Variants in SGIP1 observed in about 807,000 individuals in gnomAD.
SGIP1 encodes SH3-containing GRB2-like protein 3-interacting protein 1.
In SGIP1, 38 loss-of-function variants were observed where a neutral mutation model predicts 107.5. The ratio of observed to expected loss-of-function variants is 0.35; its 90% CI spans 0.27 to 0.46. SGIP1 has a LOEUF of 0.46. Ranked by LOEUF, SGIP1 falls within the 20% of genes least tolerant of loss-of-function variation. SGIP1 has a pLI of 1.00. For synonymous variants in SGIP1, 365 were observed against 366.1 expected (o/e 1.00, Z 0.03); for missense variants, 929 against 1,019.5 (o/e 0.91, Z 1.21).
intron 1 of SGIP1, among the ~76,000 whole-genome samples, chr1:66,617,602 C>A (rs1425400594): frequency 6.6e-6 from 1 of 152,132 alleles, no homozygotes; most frequent in Non-Finnish European, 1.5e-5. Flanking sequence ...GGCCTGGGTT[C>A]CTGCAGAAAA....
At position 66,749,252 on chromosome 1, in the gene SGIP1, T is replaced by C. The variant is rs2094593087; in HGVS notation, c.*6157T>C. Among the ~76,000 whole-genome samples the C allele has an allele frequency of 6.6e-6, 1 of 152,066 alleles. No individual in the cohort carries two copies. Among genetic ancestry groups the C allele is most frequent in the Non-Finnish European group, 1.5e-5 (1 of 67,918 alleles). On this transcript the variant is annotated 3_prime_UTR_variant, in exon 25 of 25. Transcript: ENST00000371037. ...CTTTGCCGTGTGGAATTAATGCCAG[T>C]GAATAATCTCCAGTAACGTTTTACT...
chr1:66,699,110 C>T (rs2091479353), intron 18 of SGIP1, among the ~76,000 whole-genome samples: 1 of 152,058 alleles, frequency 6.6e-6, no homozygotes, highest in Non-Finnish European at 1.5e-5. Flanking sequence ...TTCTACATTT[C>T]AGTCTCTCAG....
intron 15 of SGIP1, 79 bp from the exon 16 acceptor site, chr1:66,689,069 C>T (rs61798709): frequency 1.3e-5 from 18 of 1,408,086 alleles, no homozygotes; most frequent in African/African-American, 4.4e-5. Flanking sequence ...AAAAAATGTC[C>T]GGGACTGGCA....
intron 9 of SGIP1, among the ~76,000 whole-genome samples, chr1:66,670,751 G>T (rs913242108): frequency 2.0e-5 from 3 of 151,860 alleles, no homozygotes; most frequent in African/African-American, 4.8e-5. Flanking sequence ...CCAGGTAAGG[G>T]GTTTTTCTTC....
Position 66,625,859 on chromosome 1 carries a change from G to A in SGIP1, c.23G>A (p.Arg8His), listed in dbSNP as rs762351247. 39 of 1,611,712 alleles carry A rather than the reference G, an allele frequency of 2.4e-5. No homozygotes were observed. The highest frequency in any genetic ancestry group is 2.1e-4 in the South Asian group (19 of 90,756). ...TGTTTTCCCACAGGATTGAAAAAACGTACAAGGAAGGCCTTTGGAATACGG... is the reference window on the plus strand; with the variant it reads ...TGTTTTCCCACAGGATTGAAAAAACATACAAGGAAGGCCTTTGGAATACGG... MMEGLKK[R>H]TRKAFGIRKK... Residue 8 changes from arginine (R) to histidine (H), a missense_variant, in exon 2 of 25, where the codon CGT (arginine) becomes CAT (histidine). Transcript: ENST00000371037.
chr1:66,567,939 A>T (rs535591701), intron 1 of SGIP1, among the ~76,000 whole-genome samples: 1 of 152,128 alleles, frequency 6.6e-6, no homozygotes, highest in Non-Finnish European at 1.5e-5. Flanking sequence ...AGGTAGCATG[A>T]TGCCTCCAGC....
chr1:66,734,003 A>AT (rs1379348956), intron 21 of SGIP1, 123 bp downstream of exon 21: 1 of 1,058,234 alleles, frequency 9.4e-7, no homozygotes, highest in Non-Finnish European at 1.3e-6. Context: ...GCTATAACTC[A>AT]TTTTTTTAAA....
chr1:66,541,870 G>A (rs532869286), intron 1 of SGIP1, among the ~76,000 whole-genome samples: 1 of 152,198 alleles, frequency 6.6e-6, no homozygotes, highest in East Asian at 1.9e-4. Flanking sequence ...TGCTGTACTA[G>A]GCACAATGAA....
chr1:66,550,848 G>A (rs1388224698), intron 1 of SGIP1, among the ~76,000 whole-genome samples: 1 of 151,996 alleles, frequency 6.6e-6, no homozygotes, highest in Non-Finnish European at 1.5e-5. Context: ...CATTCAAGGT[G>A]GTATGACCAT....
rs1017453853 is a variant in SGIP1 at position 66,602,994 on chromosome 1, T to A, written c.11-22853T>A. ...ATTACCTGTGGGAAACAATGGGGTT[T>A]GTTTTTGTTCTTGTTTTCTCTGCCT... On this transcript the variant is annotated intron_variant, in intron 1 of 24. Transcript: ENST00000371037. Among the ~76,000 whole-genome samples the A allele has an allele frequency of 3.3e-5, 5 of 152,354 alleles. No individual in the cohort carries two copies. In the East Asian group the frequency reaches 9.6e-4, roughly 29 times the overall value.
intron 20 of SGIP1, among the ~76,000 whole-genome samples, chr1:66,731,554 T>C (rs1557787022): frequency 6.6e-6 from 1 of 151,992 alleles, no homozygotes; most frequent in Non-Finnish European, 1.5e-5. Flanking sequence ...AGAAATAAAA[T>C]ATATCCCATT....
intron 1 of SGIP1, among the ~76,000 whole-genome samples, chr1:66,622,477 C>T (rs1167732206): frequency 6.6e-6 from 1 of 152,190 alleles, no homozygotes; most frequent in African/African-American, 2.4e-5. Context: ...TCTGGTAAGA[C>T]ATTGATGATA....
chr1:66,696,011 AAG>A (rs2090848720), intron 18 of SGIP1, among the ~76,000 whole-genome samples: 1 of 152,230 alleles, frequency 6.6e-6, no homozygotes. Context: ...AAAAGAAAAA[AAG>A]GAGTTTATTA....
intron 8 of SGIP1, among the ~76,000 whole-genome samples, chr1:66,664,203 G>T (rs1178295814): frequency 1.3e-5 from 2 of 152,110 alleles, no homozygotes; most frequent in African/African-American, 4.8e-5. Flanking sequence ...GTATGGATTA[G>T]TCAATAAGAT....
intron 1 of SGIP1, among the ~76,000 whole-genome samples, chr1:66,593,320 T>A (rs909454960): frequency 1.3e-5 from 2 of 152,192 alleles, no homozygotes; most frequent in Admixed American, 6.5e-5. Flanking sequence ...AGGAGCACAA[T>A]TGCTGGATCA....
intron 1 of SGIP1, among the ~76,000 whole-genome samples, chr1:66,601,561 G>A (rs547705420): frequency 1.3e-5 from 2 of 151,864 alleles, no homozygotes; most frequent in Non-Finnish European, 2.9e-5. Flanking sequence ...GAAAAGAATA[G>A]AATAGAATCC....
chr1:66,683,700 CTTTTTTTTTTTTTTTT>C (rs869266510), intron 15 of SGIP1, among the ~76,000 whole-genome samples: 1 of 61,396 alleles, frequency 1.6e-5, no homozygotes, highest in Non-Finnish European at 3.0e-5. Flanking sequence ...TGTTTCTTTT[CTTTTTTTTTTTTTTTT>C]TTTTTTTTTT....
At chr1:66,671,816 G>A (rs893032706) in intron 10 of SGIP1, 128 bp from the exon 11 acceptor site, 2 of 830,526 alleles carry the variant, frequency 2.4e-6, no homozygotes, top group African/African-American at 3.4e-5. Flanking sequence ...GGTTTGTTTT[G>A]CAAAGTTTTC....
intron 1 of SGIP1, among the ~76,000 whole-genome samples, chr1:66,551,315 T>A (rs1357507578): frequency 6.6e-6 from 1 of 152,188 alleles, no homozygotes; most frequent in African/African-American, 2.4e-5. Context: ...GCAATTCTCC[T>A]ATGTTAGAAT....
Sources: allele counts gnomAD v4.1 joint callset (sites outside exome capture counted in the v4.1 genomes callset), GRCh38; gene constraint gnomAD v4.1.1; transcripts MANE v1.5; gene names NCBI Gene and HGNC (gene_info 2026-07-23, HGNC 2026-07-21).